The following SRRM4 variants were observed in gnomAD, a reference collection of about 807,000 sequenced individuals.
The protein encoded by SRRM4 is serine/arginine repetitive matrix protein 4.
SRRM4 carries 33 observed loss-of-function variants against 68.9 expected under a neutral mutation model. The observed-to-expected ratio is 0.48, with a 90% CI of 0.36 to 0.64. SRRM4 has a LOEUF of 0.64. SRRM4 is among the 30% of genes least tolerant of loss of function. The pLI is 0.00. For synonymous variants in SRRM4, 318 were observed against 318.8 expected (o/e 1.00, Z 0.03); for missense variants, 817 against 827.1 (o/e 0.99, Z 0.15).
rs969924199 is a variant in SRRM4, at chr12:118,998,082, A to C, written c.131+16069A>C. On this transcript the variant is annotated intron_variant, in intron 1 of 12. Coordinates refer to ENST00000267260, the MANE Select transcript of SRRM4 (RefSeq NM_194286.4). The stretch of plus-strand genomic sequence containing the variant: ...GGAGCCAAGTTTGCTGGTCAGAGGC[A>C]CATCAATCCGGATCTATATTTAATG... 2.0e-5 allele frequency among the ~76,000 whole-genome samples: 3 copies of C among 152,234 alleles called. No homozygotes were observed. In the South Asian group the frequency reaches 6.2e-4, roughly 32 times the overall value.
At chr12:119,110,635 A>T (rs940946835) in intron 2 of SRRM4, among the ~76,000 whole-genome samples, 6 of 152,188 alleles carry the variant, frequency 3.9e-5, no homozygotes, top group African/African-American at 9.6e-5. Flanking sequence ...CACATGTGGG[A>T]TATAATCTCC....
chr12:119,081,353 CTT>C (rs1379134453), intron 1 of SRRM4, among the ~76,000 whole-genome samples: 1 of 152,078 alleles, frequency 6.6e-6, no homozygotes, highest in Non-Finnish European at 1.5e-5. Flanking sequence ...TGAGCAAAGA[CTT>C]GAAGAAAGTA....
Position 119,057,019 on chromosome 12 carries a change from T to C in SRRM4, c.132-45217T>C, listed in dbSNP as rs371748619. Among the ~76,000 whole-genome samples the C allele has an allele frequency of 1.1e-4, 16 of 152,256 alleles. 1 individual carries two copies. The East Asian group carries it at 2.7e-3, about 26-fold the overall frequency. ...TATTTGGTAAGCAACATTACTCCCA[T>C]TCAACAGATGATAAGATATAGGCAC... On this transcript the variant is annotated intron_variant, in intron 1 of 12. Transcript: ENST00000267260.
chr12:119,100,943 G>A (rs572309016), intron 1 of SRRM4, among the ~76,000 whole-genome samples: 20 of 152,332 alleles, frequency 1.3e-4, no homozygotes, highest in Non-Finnish European at 2.2e-4. Context: ...TCCAGGGCTT[G>A]CAGTATCTAC....
At chr12:119,062,395 C>T in intron 1 of SRRM4, among the ~76,000 whole-genome samples, 1 of 152,058 alleles carries the variant, frequency 6.6e-6, no homozygotes. Flanking sequence ...AAATAAGTTT[C>T]TTTCTTCAAT....
At chr12:118,988,760 T>C (rs1024958285) in intron 1 of SRRM4, among the ~76,000 whole-genome samples, 4 of 151,946 alleles carry the variant, frequency 2.6e-5, no homozygotes, top group Non-Finnish European at 5.9e-5. Context: ...AGAAAGACAA[T>C]AAATGAAGAA....
intron 2 of SRRM4, among the ~76,000 whole-genome samples, chr12:119,105,292 G>T (rs1409851597): frequency 6.6e-6 from 1 of 152,090 alleles, no homozygotes; most frequent in Non-Finnish European, 1.5e-5. Context: ...ACGTGCATGT[G>T]TCTTTATAGC....
intron 1 of SRRM4, among the ~76,000 whole-genome samples, chr12:119,000,141 A>T (rs768185424): frequency 6.6e-6 from 1 of 152,206 alleles, no homozygotes; most frequent in Non-Finnish European, 1.5e-5. Flanking sequence ...CCCAAGCCTC[A>T]ATTTTGTCAT....
intron 1 of SRRM4, among the ~76,000 whole-genome samples, chr12:118,988,127 T>TAA (rs58255601): frequency 3.2e-4 from 48 of 149,564 alleles, no homozygotes; most frequent in Middle Eastern, 6.9e-3. Context: ...CAGAGGAATG[T>TAA]AAAAAAAAAA....
intron 1 of SRRM4, among the ~76,000 whole-genome samples, chr12:118,997,117 A>G (rs889117519): frequency 6.6e-6 from 1 of 152,246 alleles, no homozygotes; most frequent in African/African-American, 2.4e-5. Flanking sequence ...AACAAGAGAT[A>G]TTAGTTAACC....
chr12:119,097,566 TA>T (rs1954053704), intron 1 of SRRM4, among the ~76,000 whole-genome samples: 1 of 152,180 alleles, frequency 6.6e-6, no homozygotes, highest in Admixed American at 6.5e-5. Context: ...CCAGGTGGGA[TA>T]CCCAACACCA....
chr12:119,148,710 GA>G (rs1236957668), intron 9 of SRRM4, among the ~76,000 whole-genome samples: 3 of 152,166 alleles, frequency 2.0e-5, no homozygotes, highest in Non-Finnish European at 2.9e-5. Context: ...CCCCAAACAG[GA>G]ACTAAAGCCT....
At chr12:119,063,464 G>C (rs1953826810) in intron 1 of SRRM4, among the ~76,000 whole-genome samples, 1 of 152,134 alleles carries the variant, frequency 6.6e-6, no homozygotes, top group South Asian at 2.1e-4. Flanking sequence ...TAGAATGTCT[G>C]TAGTTACTAA....
intron 9 of SRRM4, among the ~76,000 whole-genome samples, chr12:119,146,930 C>T (rs767474073): frequency 6.8e-6 from 1 of 147,836 alleles, no homozygotes; most frequent in African/African-American, 2.6e-5. Context: ...AGCCAGACTC[C>T]ATCTCAAAAA....
Position 119,122,578 on chromosome 12 carries a change from C to T in SRRM4, c.515+458C>T, listed in dbSNP as rs1246403078. ...GTCTGTACATTTTTACATTTTTGTACACTGTGTGTACAAATGTATACAATA... is the reference window on the plus strand; with the variant it reads ...GTCTGTACATTTTTACATTTTTGTATACTGTGTGTACAAATGTATACAATA... On this transcript the variant is annotated intron_variant, in intron 6 of 12. Coordinates refer to ENST00000267260, the MANE Select transcript of SRRM4 (RefSeq NM_194286.4). Among the ~76,000 whole-genome samples the T allele has an allele frequency of 2.6e-5, 4 of 151,948 alleles. No homozygotes were observed. The South Asian group carries it at 6.2e-4, about 24-fold the overall frequency.
intron 1 of SRRM4, among the ~76,000 whole-genome samples, chr12:119,063,550 TC>T (rs1953827130): frequency 6.6e-6 from 1 of 152,120 alleles, no homozygotes; most frequent in African/African-American, 2.4e-5. Context: ...ATCAATTACG[TC>T]CACACTTCAC....
At chr12:119,109,934 G>A (rs1954131995) in intron 2 of SRRM4, among the ~76,000 whole-genome samples, 1 of 151,456 alleles carries the variant, frequency 6.6e-6, no homozygotes, top group African/African-American at 2.4e-5. Context: ...TTTCTGCTCT[G>A]GTTTCTCCCC....
chr12:119,155,607 A>G (rs959398376), intron 12 of SRRM4, among the ~76,000 whole-genome samples: 4 of 152,108 alleles, frequency 2.6e-5, no homozygotes, highest in Non-Finnish European at 5.9e-5. Context: ...GGTGGTGTGC[A>G]CCTGTGGTCC....
chr12:119,071,551 T>C (rs531775399), intron 1 of SRRM4, among the ~76,000 whole-genome samples: 32 of 152,308 alleles, frequency 2.1e-4, no homozygotes, highest in African/African-American at 7.7e-4. Context: ...AAGTATACAA[T>C]ACCAATACCA....
Sources: gnomAD v4.1 joint callset for allele counts (sites outside exome capture counted in the v4.1 genomes callset) on GRCh38, gnomAD v4.1.1 for gene constraint, MANE v1.5 for transcripts, NCBI Gene and HGNC (gene_info 2026-07-23, HGNC 2026-07-21) for gene names.